Variants in AQP7 observed in about 807,000 individuals in gnomAD.
AQP7 encodes the protein aquaporin 7.
AQP7 carries 22 observed loss-of-function variants against 26.1 expected under a neutral mutation model. The observed-to-expected ratio is 0.84, with a 90% CI of 0.60 to 1.20. AQP7 has a LOEUF of 1.20. Ranked by LOEUF, AQP7 falls within the 50% of genes most tolerant of loss-of-function variation. The probability of loss-of-function intolerance (pLI) is 0.00; values close to 1 mark genes in which losing one functional copy is unlikely to be tolerated. For synonymous variants in AQP7, 167 were observed against 181.7 expected, an observed-to-expected ratio of 0.92 and a Z score of 0.65; for missense variants, 412 against 457.5, an observed-to-expected ratio of 0.90 and a Z score of 0.91.
chr9:33,386,355 C>A (rs1363956587), intron 5 of AQP7, 49 bp downstream of exon 5: 2 of 1,606,882 alleles, frequency 1.2e-6, no homozygotes, highest in East Asian at 2.2e-5. Flanking sequence ...GCCCATATTT[C>A]ATAGGAGGCG....
At chr9:33,390,027 CAAA>C (rs778333672) in intron 3 of AQP7, among the ~76,000 whole-genome samples, 3 of 78,624 alleles carry the variant, frequency 3.8e-5, no homozygotes, top group Non-Finnish European at 2.6e-5. Context: ...GACTCCGTCT[CAAA>C]AAAAAAAAAA....
rs750256339 is a variant in AQP7, at chr9:33,387,001, G to A, written c.236C>T (p.Thr79Ile). 45 of 1,611,890 alleles carry A rather than the reference G, an allele frequency of 2.8e-5. No individual in the cohort carries two copies. Among genetic ancestry groups the A allele is most frequent in the Non-Finnish European group, 3.6e-5 (43 of 1,179,844 alleles). ...GCGGCCTGCCACGTGCACTCCCATG[G>A]TGACTCCGAAGCCAAAACCCAAGTT... Reference protein sequence around the residue: ...GVNLGFGFGVTMGVHVAGRIS... With the variant: ...GVNLGFGFGVIMGVHVAGRIS... The change falls in exon 4 of 8, where the codon ACC becomes ATC. Residue 79 changes from threonine to isoleucine, a missense_variant. Transcript: ENST00000297988.
Position 33,393,434 on chromosome 9 carries a change from C to A in AQP7, c.144+1644G>T, listed in dbSNP as rs149971127. ...TCAGTGGCAGGGTCAGGCTAAGAAC[C>A]CCGGTGTTCCGATTTCCTGTCTCCC... is the stretch of plus-strand genomic sequence containing the variant. On this transcript the variant is annotated intron_variant, in intron 3 of 7. Coordinates refer to ENST00000297988, the MANE Select transcript of AQP7 (RefSeq NM_001170.3). 5.1e-4 allele frequency among the ~76,000 whole-genome samples: 77 copies of A among 152,308 alleles called. 1 individual carries two copies. Among genetic ancestry groups the A allele is most frequent in the African/African-American group, 1.8e-3 (76 of 41,572 alleles).
intron 3 of AQP7, among the ~76,000 whole-genome samples, chr9:33,388,643 C>T (rs1357216818): frequency 6.6e-6 from 1 of 152,196 alleles, no homozygotes; most frequent in African/African-American, 2.4e-5. Flanking sequence ...TCCTTTAACC[C>T]TTAACACCAA....
Position 33,387,520 on chromosome 9 carries a change from A to AC in AQP7, c.145-429dup, listed in dbSNP as rs571756420. Among the ~76,000 whole-genome samples the AC allele has an allele frequency of 2.4e-3, 356 of 150,672 alleles. 2 individuals carry two copies. The highest frequency in any genetic ancestry group is 7.6e-3 in the African/African-American group (313 of 41,068). ...CCATCCGTGCCTGACTCTGCCAGGAACCCCTCCCTGCACAAACACACACAC... is the reference window on the plus strand; with the variant it reads ...CCATCCGTGCCTGACTCTGCCAGGAACCCCCTCCCTGCACAAACACACACAC... On this transcript the variant is annotated intron_variant, in intron 3 of 7. Transcript: ENST00000297988.
chr9:33,392,952 G>T (rs1825543739), intron 3 of AQP7, among the ~76,000 whole-genome samples: 1 of 152,212 alleles, frequency 6.6e-6, no homozygotes, highest in Admixed American at 6.5e-5. Context: ...TGTGGGCCGG[G>T]CGAGGTGACT....
At chr9:33,389,976 C>G (rs1467589184) in intron 3 of AQP7, among the ~76,000 whole-genome samples, 2 of 147,370 alleles carry the variant, frequency 1.4e-5, no homozygotes, top group Non-Finnish European at 3.0e-5. Context: ...TGCAGTGAGC[C>G]GAGATCACGC....
chr9:33,387,643 C>A (rs1348825164), intron 3 of AQP7, among the ~76,000 whole-genome samples: 1 of 152,122 alleles, frequency 6.6e-6, no homozygotes, highest in Non-Finnish European at 1.5e-5. Flanking sequence ...CATTCCCAAG[C>A]TGCTGCTTCT....
At chr9:33,386,877 G>C (rs2097409631) in intron 4 of AQP7, 92 bp downstream of exon 4, 1 of 1,573,634 alleles carries the variant, frequency 6.4e-7, no homozygotes, top group Non-Finnish European at 8.7e-7. Flanking sequence ...GGCACTGGCT[G>C]TGCTGGCAAA....
intron 3 of AQP7, chr9:33,393,863 C>T (rs939602025): frequency 5.9e-5 from 9 of 152,356 alleles, no homozygotes; most frequent in Non-Finnish European, 1.2e-4. Flanking sequence ...CACTGCCCCC[C>T]TCTGTCATGC....
intron 3 of AQP7, 144 bp downstream of exon 3, chr9:33,394,934 C>T (rs547481035): frequency 2.1e-4 from 150 of 723,792 alleles, no homozygotes; most frequent in East Asian, 1.8e-3. Context: ...GAAAGCCCCC[C>T]CTCCTTACTT....
Position 33,384,842 on chromosome 9 carries a change from G to C in AQP7, c.*163C>G. 2.5e-6 allele frequency: 2 copies of C among 798,234 alleles called. No homozygotes were observed. Among genetic ancestry groups the C allele is most frequent in the South Asian group, 1.9e-5 (1 of 52,128 alleles). The allele number at this position is 798,234 out of a possible 1,614,324, so 49.4% of individuals were successfully genotyped here. A position where few individuals can be genotyped will look rare whatever the true frequency, so the allele number is the denominator to read the frequency against. On this transcript the variant is annotated 3_prime_UTR_variant, in exon 8 of 8. Coordinates refer to ENST00000297988, the MANE Select transcript of AQP7 (RefSeq NM_001170.3). Reference sequence around the variant, plus strand: ...CCAGTTCCCAGGGCATGAAAGACTTGAGGTGCCTCACCTCTACACCTTGGG... The same window carrying C: ...CCAGTTCCCAGGGCATGAAAGACTTCAGGTGCCTCACCTCTACACCTTGGG...
At chr9:33,392,677 A>C (rs1190803572) in intron 3 of AQP7, among the ~76,000 whole-genome samples, 2 of 152,172 alleles carry the variant, frequency 1.3e-5, no homozygotes, top group East Asian at 1.9e-4. Context: ...GTCTTGTGAT[A>C]AGATCATTAC....
chr9:33,386,089 G>GC lies in AQP7; in HGVS notation c.512dup (p.Phe172LeufsTer4), dbSNP rs1250054729. On this transcript the variant is annotated frameshift_variant, in exon 6 of 8. Transcript: ENST00000297988. LOFTEE classifies it high-confidence loss of function. ...CTCGACCACTGACCTCATTCAGGAA[G>GC]CCCCGCCACAATGTCATGTGATCAG... is the stretch of plus-strand genomic sequence containing the variant. The GC allele has an allele frequency of 6.2e-7, 1 of 1,613,220 alleles. No homozygotes were observed. Among genetic ancestry groups the GC allele is most frequent in the Non-Finnish European group, 8.5e-7 (1 of 1,179,862 alleles).
Position 33,386,071 on chromosome 9 carries a change from A to T in AQP7, c.525+6T>A. Reference sequence around the variant, plus strand: ...GGGGGAGGGATACTCATCCTCGACCACTGACCTCATTCAGGAAGCCCCGCC... The same window carrying T: ...GGGGGAGGGATACTCATCCTCGACCTCTGACCTCATTCAGGAAGCCCCGCC... On this transcript the variant is annotated splice_donor_region_variant and intron_variant, in intron 6 of 7. Coordinates refer to ENST00000297988, the MANE Select transcript of AQP7 (RefSeq NM_001170.3). The T allele has an allele frequency of 6.2e-7, 1 of 1,612,884 alleles. No individual in the cohort carries two copies. The highest frequency in any genetic ancestry group is 8.5e-7 in the Non-Finnish European group (1 of 1,179,848).
At chr9:33,394,486 C>CTTTTTT (rs56966031) in intron 3 of AQP7, among the ~76,000 whole-genome samples, 8 of 115,112 alleles carry the variant, frequency 6.9e-5, no homozygotes, top group Non-Finnish European at 1.1e-4. Context: ...CTCTCTCTCT[C>CTTTTTT]TTTTTTTTTT....
chr9:33,388,541 A>G (rs1284923731), intron 3 of AQP7, among the ~76,000 whole-genome samples: 1 of 152,178 alleles, frequency 6.6e-6, no homozygotes, highest in Non-Finnish European at 1.5e-5. Flanking sequence ...ATCTGCCCCA[A>G]TACTCTTTGT....
chr9:33,388,316 C>T (rs966705430), intron 3 of AQP7, among the ~76,000 whole-genome samples: 9 of 152,126 alleles, frequency 5.9e-5, no homozygotes, highest in African/African-American at 2.2e-4. Flanking sequence ...AGAGCTTCCT[C>T]GCCATCCTCC....
At chr9:33,392,020 A>G (rs942751155) in intron 3 of AQP7, among the ~76,000 whole-genome samples, 1 of 152,176 alleles carries the variant, frequency 6.6e-6, no homozygotes, top group Non-Finnish European at 1.5e-5. Context: ...AACGGTCAAG[A>G]CTGTGATACT....
Sources: gnomAD v4.1 joint callset for allele counts (sites outside exome capture counted in the v4.1 genomes callset) on GRCh38, gnomAD v4.1.1 for gene constraint, MANE v1.5 for transcripts, NCBI Gene and HGNC (gene_info 2026-07-23, HGNC 2026-07-21) for gene names.